The following GLDC variants were observed in gnomAD, a reference collection of about 807,000 sequenced individuals.
The protein encoded by GLDC is glycine dehydrogenase (decarboxylating), mitochondrial.
In GLDC, 104 loss-of-function variants were observed where a neutral mutation model predicts 121.3. The ratio of observed to expected loss-of-function variants is 0.86; its 90% confidence interval spans 0.73 to 1.01. The LOEUF is 1.01. Among genes scored for constraint, GLDC ranks in the 50% least tolerant of loss-of-function variants. The pLI, the probability that GLDC is intolerant of heterozygous loss-of-function variation, is 0.00. For synonymous variants in GLDC, 546 were observed against 480.6 expected (o/e 1.14, Z -1.78); for missense variants, 1,429 against 1,306.6 (o/e 1.09, Z -1.44).
At chr9:6,642,907 C>CA (rs559160720) in intron 2 of GLDC, among the ~76,000 whole-genome samples, 6 of 148,290 alleles carry the variant, frequency 4.0e-5, no homozygotes, top group African/African-American at 1.5e-4. Context: ...CTTCCTTTCT[C>CA]TTTTTTTTTT....
chr9:6,615,438 A>T (rs1818949440), intron 3 of GLDC, among the ~76,000 whole-genome samples: 1 of 151,304 alleles, frequency 6.6e-6, no homozygotes. Flanking sequence ...AAAAAAAAAA[A>T]TTAGCCTGGC....
rs1288009539 is a variant in GLDC at position 6,555,869 on chromosome 9, T to A, written c.2202+284A>T. On this transcript the variant is annotated intron_variant, in intron 18 of 24. Coordinates refer to ENST00000321612, the MANE Select transcript of GLDC (RefSeq NM_000170.3). ...CAAAAAGATTGTGTCACTCCTCTCCTGCAGGGGCTCCCAACAGCATTTCTT... is the reference window on the plus strand; with the variant it reads ...CAAAAAGATTGTGTCACTCCTCTCCAGCAGGGGCTCCCAACAGCATTTCTT... Among the ~76,000 whole-genome samples, 8 of 152,290 alleles carry A rather than the reference T, an allele frequency of 5.3e-5. No individual in the cohort carries two copies. The South Asian group carries it at 8.3e-4, about 16-fold the overall frequency.
At chr9:6,644,729 G>A (rs766938473) in intron 1 of GLDC, 37 bp from the exon 2 acceptor site, 2 of 1,355,054 alleles carry the variant, frequency 1.5e-6, no homozygotes, top group Admixed American at 1.7e-5. Flanking sequence ...AAGTGCCTCT[G>A]AGTTAAAAGA....
intron 11 of GLDC, 89 bp downstream of exon 11, chr9:6,592,054 C>T: frequency 1.2e-6 from 1 of 816,746 alleles, no homozygotes; most frequent in Non-Finnish European, 2.2e-6. Flanking sequence ...CACACTTGGG[C>T]CCCTTCTCCC....
chr9:6,632,657 C>T (rs1276308345), intron 2 of GLDC, among the ~76,000 whole-genome samples: 1 of 152,202 alleles, frequency 6.6e-6, no homozygotes, highest in African/African-American at 2.4e-5. Flanking sequence ...CGACTCACGT[C>T]CCTATTCTCT....
intron 2 of GLDC, among the ~76,000 whole-genome samples, chr9:6,633,514 C>T (rs1196322355): frequency 1.3e-5 from 2 of 152,210 alleles, no homozygotes; most frequent in Non-Finnish European, 2.9e-5. Context: ...TCTTCTTCCA[C>T]TTCTCCCTGT....
chr9:6,559,285 C>A (rs186079896), intron 16 of GLDC, among the ~76,000 whole-genome samples: 6 of 151,524 alleles, frequency 4.0e-5, no homozygotes, highest in Non-Finnish European at 5.9e-5. Context: ...GAGGCCGAGG[C>A]GGGTGGATCA....
chr9:6,586,141 C>T (rs1286736103), intron 15 of GLDC, among the ~76,000 whole-genome samples: 1 of 151,792 alleles, frequency 6.6e-6, no homozygotes, highest in African/African-American at 2.4e-5. Context: ...ACTAAAAATA[C>T]AAAATTAGCC....
chr9:6,582,267 C>T (rs1818184476), intron 15 of GLDC, among the ~76,000 whole-genome samples: 2 of 151,544 alleles, frequency 1.3e-5, no homozygotes, highest in African/African-American at 2.4e-5. Flanking sequence ...GCCTGTAACC[C>T]CAGCACTTTG....
chr9:6,622,915 G>T, intron 2 of GLDC: 1 of 207,522 alleles, frequency 4.8e-6, no homozygotes, highest in Non-Finnish European at 9.7e-6. Context: ...GATGTGAGGA[G>T]CACCTCTGCC....
Position 6,582,986 on chromosome 9 carries a change from G to T in GLDC, c.1850+4155C>A, listed in dbSNP as rs114520286. Among the ~76,000 whole-genome samples, 318 of 152,222 alleles carry T rather than the reference G, an allele frequency of 2.1e-3. 2 individuals carry two copies. Among genetic ancestry groups the T allele is most frequent in the African/African-American group, 6.9e-3 (287 of 41,524 alleles). ...ATGCTCAACATTGCTAATCATTGGG[G>T]AAATGTCCATCAAAACCACAGTGAG... On this transcript the variant is annotated intron_variant, in intron 15 of 24. Coordinates refer to ENST00000321612, the MANE Select transcript of GLDC (RefSeq NM_000170.3).
intron 8 of GLDC, among the ~76,000 whole-genome samples, chr9:6,601,845 G>A (rs1266492579): frequency 6.6e-6 from 1 of 152,136 alleles, no homozygotes; most frequent in Non-Finnish European, 1.5e-5. Context: ...CGCCCAGGCA[G>A]GTTTCCAACT....
intron 2 of GLDC, among the ~76,000 whole-genome samples, chr9:6,631,104 C>T (rs888566484): frequency 6.6e-6 from 1 of 152,228 alleles, no homozygotes; most frequent in Non-Finnish European, 1.5e-5. Flanking sequence ...AGGATATGGT[C>T]AGGGCAGCGG....
At chr9:6,623,568 C>T (rs10815455) in intron 2 of GLDC, among the ~76,000 whole-genome samples, 1 of 150,440 alleles carries the variant, frequency 6.6e-6, no homozygotes, top group Non-Finnish European at 1.5e-5. Context: ...TGTCCTATGA[C>T]CCTGCCAAAT....
intron 3 of GLDC, among the ~76,000 whole-genome samples, chr9:6,612,251 T>TCACA (rs145465375): frequency 0.18 from 25,252 of 143,658 alleles, 2,252 homozygotes; most frequent in East Asian, 0.42. Flanking sequence ...TCTCTCTCTC[T>TCACA]CTCACACACA....
intron 5 of GLDC, chr9:6,605,878 C>T (rs1243019357): frequency 6.0e-6 from 1 of 167,882 alleles, no homozygotes; most frequent in African/African-American, 2.4e-5. Flanking sequence ...CCTAGGGACT[C>T]TGCACACCCT....
At chr9:6,629,941 A>ATGTATATATATATG (rs1563870159) in intron 2 of GLDC, among the ~76,000 whole-genome samples, 1 of 71,060 alleles carries the variant, frequency 1.4e-5, no homozygotes, top group African/African-American at 1.0e-4. Flanking sequence ...ATATATATAT[A>ATGTATATATATATG]TATGTATATA....
chr9:6,628,827 T>G (rs1239466231), intron 2 of GLDC, among the ~76,000 whole-genome samples: 6 of 152,332 alleles, frequency 3.9e-5, no homozygotes, highest in Admixed American at 3.9e-4. Flanking sequence ...GTGCATTATT[T>G]TGCACTCTCA....
intron 15 of GLDC, among the ~76,000 whole-genome samples, chr9:6,573,166 T>G (rs1358870975): frequency 6.6e-6 from 1 of 152,102 alleles, no homozygotes; most frequent in African/African-American, 2.4e-5. Flanking sequence ...TCCCAGCTAC[T>G]AGGGAGGCTG....
Sources: gnomAD v4.1 joint callset for allele counts (sites outside exome capture counted in the v4.1 genomes callset) on GRCh38, gnomAD v4.1.1 for gene constraint, MANE v1.5 for transcripts, NCBI Gene and HGNC (gene_info 2026-07-23, HGNC 2026-07-21) for gene names.